The following ANKRD13C variants were observed in gnomAD, a reference collection of about 807,000 sequenced individuals.
The protein encoded by ANKRD13C is ankyrin repeat domain 13C, also known as ankyrin repeat domain-containing protein 13C.
A neutral mutation model predicts 65.5 loss-of-function variants in ANKRD13C; 16 were observed. The ratio of observed to expected loss-of-function variants is 0.24; its 90% CI spans 0.17 to 0.37. The LOEUF (loss-of-function observed/expected upper bound fraction) is 0.37. Ranked by LOEUF, ANKRD13C falls within the 10% of genes least tolerant of loss-of-function variation. The probability of loss-of-function intolerance (pLI) is 1.00; values close to 1 mark genes in which losing one functional copy is unlikely to be tolerated. For synonymous variants in ANKRD13C, 235 were observed against 238.7 expected, an observed-to-expected ratio of 0.98 and a Z score of 0.14; for missense variants, 503 against 655.9, an observed-to-expected ratio of 0.77 and a Z score of 2.55.
At position 70,276,666 on chromosome 1, in the gene ANKRD13C, T is replaced by C. The variant is rs986684047; in HGVS notation, c.1295+99A>G. On this transcript the variant is annotated intron_variant, in intron 10 of 12. Coordinates refer to ENST00000370944, the MANE Select transcript of ANKRD13C (RefSeq NM_030816.5). ...CTTCAGTCAAAAATATACCAATAAT[T>C]CTCTCCAAAATAATTTACGCCAAAA... is the stretch of plus-strand genomic sequence containing the variant. 6.1e-6 allele frequency: 6 copies of C among 978,148 alleles called. No individual in the cohort carries two copies. The African/African-American group carries it at 1.0e-4, about 16-fold the overall frequency. 60.6% of individuals were successfully genotyped at this position (978,148 alleles called of 1,614,324 possible).
chr1:70,277,868 C>T (rs1679207835), intron 9 of ANKRD13C, among the ~76,000 whole-genome samples: 1 of 151,992 alleles, frequency 6.6e-6, no homozygotes. Context: ...CAATAAGGAA[C>T]TAAACTCTGG....
At chr1:70,346,129 G>A (rs762194831) in intron 1 of ANKRD13C, among the ~76,000 whole-genome samples, 5 of 151,960 alleles carry the variant, frequency 3.3e-5, no homozygotes, top group Non-Finnish European at 7.4e-5. Flanking sequence ...ACTGTGCCTG[G>A]CTTCCCCACT....
intron 11 of ANKRD13C, among the ~76,000 whole-genome samples, chr1:70,273,961 ACACT>A: frequency 6.6e-6 from 1 of 151,988 alleles, no homozygotes; most frequent in Middle Eastern, 3.4e-3. Context: ...CAGCCAAGAC[ACACT>A]CACTTTTAAA....
At chr1:70,335,335 G>A (rs1681975158) in intron 2 of ANKRD13C, among the ~76,000 whole-genome samples, 1 of 151,812 alleles carries the variant, frequency 6.6e-6, no homozygotes, top group Admixed American at 6.6e-5. Flanking sequence ...AAACCTGGGA[G>A]GCAGAGGTTG....
intron 1 of ANKRD13C, 132 bp downstream of exon 1, chr1:70,353,847 G>A: frequency 7.9e-7 from 1 of 1,266,568 alleles, no homozygotes; most frequent in East Asian, 2.6e-5. Flanking sequence ...AGTCGATCAT[G>A]ATTTACCGAA....
chr1:70,353,959 G>A lies in ANKRD13C; in HGVS notation c.430+20C>T. On this transcript the variant is annotated intron_variant, in intron 1 of 12. Transcript: ENST00000370944. ...AGGCTCGGGGAAGGAGAGAGGTGGA[G>A]AGGGGCTAGCACTCCTCACCGTGAT... is the stretch of plus-strand genomic sequence containing the variant. 1.3e-6 allele frequency: 2 copies of A among 1,501,086 alleles called. No individual in the cohort carries two copies. The highest frequency in any genetic ancestry group is 2.3e-5 in the East Asian group (1 of 43,368). The allele number at this position is 1,501,086 out of a possible 1,614,324, so 93.0% of individuals were successfully genotyped here. A position where few individuals can be genotyped will look rare whatever the true frequency, so the allele number is the denominator to read the frequency against.
At chr1:70,312,075 G>A (rs568629015) in intron 5 of ANKRD13C, among the ~76,000 whole-genome samples, 11 of 152,246 alleles carry the variant, frequency 7.2e-5, no homozygotes, top group African/African-American at 2.2e-4. Context: ...TTATGGCTGC[G>A]TTTACTTTTT....
rs748881752 is a variant in ANKRD13C, at chr1:70,352,422, GA to G, written c.430+1556del. Among the ~76,000 whole-genome samples, 4 of 149,150 alleles carry G rather than the reference GA, an allele frequency of 2.7e-5. No homozygotes were observed. The East Asian group carries it at 6.0e-4, about 22-fold the overall frequency. ...GAGTATACAGGATTCTAATTACTTT[GA>G]ACAGAATTTGAACTTAAACAAATGT... On this transcript the variant is annotated intron_variant, in intron 1 of 12. Transcript: ENST00000370944.
At position 70,354,108 on chromosome 1, in the gene ANKRD13C, C is replaced by T. The variant is rs1682882272; in HGVS notation, c.301G>A (p.Val101Ile). The stretch of plus-strand genomic sequence containing the variant: ...CTGCCTCCATCCGCGACGACAGCAA[C>T]GGGGTTGGTGCCGGCCAGAAGGGCC... The part of the protein sequence containing the change: ...SPALLAGTNP[V>I]AVVADGGSCP... The change falls in exon 1 of 13, where the codon GTT becomes ATT. Residue 101 changes from valine (V) to isoleucine (I), a missense_variant. Val to Ile is a conservative substitution (Grantham distance 29). This residue lies in a region of ANKRD13C where 203 missense variants were observed against 177.6 expected (regional missense o/e 1.14). Transcript: ENST00000370944. 2 of 1,612,982 alleles carry T rather than the reference C, an allele frequency of 1.2e-6. No homozygotes were observed. Among genetic ancestry groups the T allele is most frequent in the Non-Finnish European group, 8.5e-7 (1 of 1,179,218 alleles).
At chr1:70,349,287 G>T (rs1040196279) in intron 1 of ANKRD13C, among the ~76,000 whole-genome samples, 1 of 151,914 alleles carries the variant, frequency 6.6e-6, no homozygotes, top group Non-Finnish European at 1.5e-5. Flanking sequence ...AGAAAAAAGT[G>T]GTATATAACC....
At chr1:70,317,072 T>G (rs1681102694) in intron 3 of ANKRD13C, among the ~76,000 whole-genome samples, 2 of 144,512 alleles carry the variant, frequency 1.4e-5, no homozygotes, top group Non-Finnish European at 3.0e-5. Context: ...TTTTTTTTTT[T>G]GTCCACATAG....
At chr1:70,295,996 T>C (rs1262645967) in intron 8 of ANKRD13C, 134 bp downstream of exon 8, 5 of 967,436 alleles carry the variant, frequency 5.2e-6, no homozygotes, top group Non-Finnish European at 7.4e-6. Flanking sequence ...ATTCCTTATC[T>C]GGATTCAAGG....
chr1:70,283,556 C>A (rs1679489440), intron 9 of ANKRD13C, among the ~76,000 whole-genome samples: 1 of 151,966 alleles, frequency 6.6e-6, no homozygotes, highest in African/African-American at 2.4e-5. Flanking sequence ...GTGGCTCACA[C>A]CTGTAATCCC....
chr1:70,331,156 G>A (rs148466245), intron 2 of ANKRD13C, among the ~76,000 whole-genome samples: 1 of 152,210 alleles, frequency 6.6e-6, no homozygotes, highest in Non-Finnish European at 1.5e-5. Context: ...TACAGAAACA[G>A]AACGTGCCCT....
At chr1:70,265,780 A>C (rs1324014742) in intron 12 of ANKRD13C, among the ~76,000 whole-genome samples, 22 of 140,942 alleles carry the variant, frequency 1.6e-4, no homozygotes, top group Non-Finnish European at 3.1e-4. Context: ...AGCCGAGATC[A>C]TGCCACTGCA....
intron 2 of ANKRD13C, among the ~76,000 whole-genome samples, chr1:70,334,732 C>T (rs1681944995): frequency 1.3e-5 from 2 of 151,940 alleles, no homozygotes; most frequent in South Asian, 4.2e-4. Context: ...CGAGATCGGC[C>T]TGACCAACAT....
chr1:70,353,185 A>T (rs1682822778), intron 1 of ANKRD13C, among the ~76,000 whole-genome samples: 1 of 152,248 alleles, frequency 6.6e-6, no homozygotes, highest in Admixed American at 6.5e-5. Flanking sequence ...ACTGTTGCTT[A>T]AAAGTCAACT....
At chr1:70,339,564 C>T (rs1434664892) in intron 1 of ANKRD13C, among the ~76,000 whole-genome samples, 2 of 151,846 alleles carry the variant, frequency 1.3e-5, no homozygotes, top group Admixed American at 1.3e-4. Context: ...AGTGATCCAC[C>T]CACCTTGGCC....
At chr1:70,296,300 T>TAC (rs2101299368) in intron 7 of ANKRD13C, 39 bp from the exon 8 acceptor site, 1 of 1,589,434 alleles carries the variant, frequency 6.3e-7, no homozygotes, top group Admixed American at 1.8e-5. Context: ...AAATCTAGGT[T>TAC]TTTCAAAAGT....
Sources: gnomAD v4.1 joint callset for allele counts (sites outside exome capture counted in the v4.1 genomes callset) on GRCh38, gnomAD v4.1.1 for gene constraint, gnomAD v4.1.1 regional missense constraint, MANE v1.5 for transcripts, NCBI Gene and HGNC (gene_info 2026-07-23, HGNC 2026-07-21) for gene names.